Variants in NIPA2 observed in about 807,000 individuals in gnomAD.
NIPA2 encodes the protein NIPA magnesium transporter 2.
A neutral mutation model predicts 29.7 loss-of-function variants in NIPA2; 11 were observed. The observed-to-expected ratio is 0.37, with a 90% CI of 0.23 to 0.61. The LOEUF (loss-of-function observed/expected upper bound fraction) is 0.61, where lower values mean the gene tolerates loss of function less well. Among genes scored for constraint, NIPA2 ranks in the 20% least tolerant of loss-of-function variants. The pLI is 0.66. For synonymous variants in NIPA2, 183 were observed against 161.9 expected, an observed-to-expected ratio of 1.13 and a Z score of -0.99; for missense variants, 426 against 437.9, an observed-to-expected ratio of 0.97 and a Z score of 0.24.
At chr15:22,854,515 C>T (rs62008588) in intron 5 of NIPA2, among the ~76,000 whole-genome samples, 66,295 of 149,684 alleles carry the variant, frequency 0.44, 16,626 homozygotes, top group Non-Finnish European at 0.56. Flanking sequence ...GAGGCCAAGG[C>T]GGGTGGATCA....
intron 7 of NIPA2, among the ~76,000 whole-genome samples, chr15:22,864,409 C>G (rs1014138936): frequency 6.6e-6 from 1 of 152,198 alleles, no homozygotes; most frequent in African/African-American, 2.4e-5. Flanking sequence ...CCACCTCGGC[C>G]GCCCAAAGTG....
chr15:22,852,561 A>G (rs1425274056), intron 4 of NIPA2, among the ~76,000 whole-genome samples: 1 of 113,976 alleles, frequency 8.8e-6, no homozygotes, highest in Non-Finnish European at 2.0e-5. Context: ...GAACTTCGAC[A>G]TTTTGGCAGG....
rs1212982440 is a variant in NIPA2 at position 22,867,248 on chromosome 15, G to GAGTT, written c.*403_*406dup. The GAGTT allele has an allele frequency of 2.5e-6, 1 of 403,708 alleles. No homozygotes were observed. The highest frequency in any genetic ancestry group is 4.4e-6 in the Non-Finnish European group (1 of 229,572). The allele number at this position is 403,708 out of a possible 1,614,324, so 25.0% of individuals were successfully genotyped here. A position where few individuals can be genotyped will look rare whatever the true frequency, so the allele number is the denominator to read the frequency against. On this transcript the variant is annotated 3_prime_UTR_variant, in exon 8 of 8. Coordinates refer to ENST00000337451, the MANE Select transcript of NIPA2 (RefSeq NM_030922.7). ...AAGGCTTTTTTATTTTAAAAAAACA[G>GAGTT]AGTTATCCCAATACATTATCCTGTG... is the stretch of plus-strand genomic sequence containing the variant.
intron 5 of NIPA2, among the ~76,000 whole-genome samples, chr15:22,857,666 GTC>G (rs1335672478): frequency 1.3e-5 from 2 of 151,304 alleles, no homozygotes; most frequent in African/African-American, 4.9e-5. Context: ...GTGAAACCCC[GTC>G]TCTACTAAAA....
intron 5 of NIPA2, among the ~76,000 whole-genome samples, chr15:22,855,618 T>G (rs890158068): frequency 4.6e-5 from 7 of 152,088 alleles, no homozygotes; most frequent in Admixed American, 1.3e-4. Context: ...GTTATGTGTT[T>G]ATGTGCCTGT....
chr15:22,866,421 G>T lies in NIPA2; in HGVS notation c.657G>T (p.Trp219Cys). ...GKPVLRHPLA[W>C]ILLLSLIVCV... ...CTGTGCTGCGGCATCCCCTGGCTTGGATTCTGCTGCTGAGCCTCATCGTCT... is the reference window on the plus strand; with the variant it reads ...CTGTGCTGCGGCATCCCCTGGCTTGTATTCTGCTGCTGAGCCTCATCGTCT... Residue 219 changes from tryptophan to cysteine, a missense_variant, in exon 8 of 8, where the codon TGG (tryptophan) becomes TGT (cysteine). Coordinates refer to ENST00000337451, the MANE Select transcript of NIPA2 (RefSeq NM_030922.7). 6.2e-7 allele frequency: 1 copy of T among 1,614,134 alleles called. No individual in the cohort carries two copies. Among genetic ancestry groups the T allele is most frequent in the South Asian group, 1.1e-5 (1 of 91,080 alleles).
intron 7 of NIPA2, among the ~76,000 whole-genome samples, chr15:22,865,204 C>G (rs1025529606): frequency 2.0e-5 from 3 of 148,306 alleles, no homozygotes; most frequent in Non-Finnish European, 3.0e-5. Context: ...TAATCTATTA[C>G]TGCTGGGTGC....
intron 7 of NIPA2, 135 bp downstream of exon 7, chr15:22,860,924 G>T (rs559066469): frequency 1.6e-6 from 1 of 613,068 alleles, no homozygotes. Flanking sequence ...CATGTTCCCT[G>T]CTCCCTCCTA....
Position 22,866,943 on chromosome 15 carries a change from C to T in NIPA2, c.*96C>T. ...AAAAACATTGTCCTCAAATAATGTT[C>T]TTTAAAGGCAATCTTTTTAAAGATT... On this transcript the variant is annotated 3_prime_UTR_variant, in exon 8 of 8. Transcript: ENST00000337451. 1 of 1,167,954 alleles carries T rather than the reference C, an allele frequency of 8.6e-7. No individual in the cohort carries two copies. The highest frequency in any genetic ancestry group is 1.2e-6 in the Non-Finnish European group (1 of 838,518). 72.3% of individuals were successfully genotyped at this position (1,167,954 alleles called of 1,614,324 possible). A position where few individuals can be genotyped will look rare whatever the true frequency, so the allele number is the denominator to read the frequency against.
chr15:22,854,141 T>C (rs1249255971), intron 5 of NIPA2, among the ~76,000 whole-genome samples: 1 of 149,448 alleles, frequency 6.7e-6, no homozygotes, highest in Admixed American at 6.7e-5. Flanking sequence ...TATTTATTTA[T>C]TTTTTGAGAC....
chr15:22,841,977 C>T (rs1444884939), intron 2 of NIPA2, among the ~76,000 whole-genome samples: 1 of 152,178 alleles, frequency 6.6e-6, no homozygotes, highest in African/African-American at 2.4e-5. Flanking sequence ...TCAAGTGTTA[C>T]TGCTCAGCAA....
At chr15:22,857,849 A>T (rs1411896047) in intron 5 of NIPA2, among the ~76,000 whole-genome samples, 2 of 151,022 alleles carry the variant, frequency 1.3e-5, no homozygotes, top group Non-Finnish European at 2.9e-5. Flanking sequence ...AAAAAAAAAA[A>T]AAAAAAAAAG....
At chr15:22,859,355 C>T (rs1285569498) in intron 6 of NIPA2, among the ~76,000 whole-genome samples, 5 of 144,502 alleles carry the variant, frequency 3.5e-5, no homozygotes, top group African/African-American at 1.3e-4. Context: ...TGCAGTGGCA[C>T]GATCTCGGCT....
In NIPA2 at chr15:22,866,405, G is replaced by A. The variant is rs779693560; in HGVS notation, c.641G>A (p.Arg214Gln). 8.7e-6 allele frequency: 14 copies of A among 1,613,914 alleles called. 1 individual carries two copies. In the East Asian group the frequency reaches 1.1e-4, roughly 13 times the overall value. The change falls in exon 8 of 8, where the codon CGG (arginine) becomes CAG (glutamine). Residue 214 changes from arginine (R) to glutamine (Q), a missense_variant. Around this residue, in one of 3 missense-constraint regions of NIPA2, gnomAD observed 357 missense variants for 339.8 expected, o/e 1.05. Coordinates refer to ENST00000337451, the MANE Select transcript of NIPA2 (RefSeq NM_030922.7). ...KELFAGKPVL[R>Q]HPLAWILLLS... ...CTGTTTGCAGGGAAGCCTGTGCTGC[G>A]GCATCCCCTGGCTTGGATTCTGCTG... is the stretch of plus-strand genomic sequence containing the variant.
At chr15:22,858,124 T>G (rs1459962363) in intron 5 of NIPA2, among the ~76,000 whole-genome samples, 1 of 152,186 alleles carries the variant, frequency 6.6e-6, no homozygotes, top group Non-Finnish European at 1.5e-5. Context: ...CTGGGCGCAG[T>G]GGCTCACGCC....
In NIPA2 at chr15:22,866,468, A is replaced by G. The variant is rs766695720; in HGVS notation, c.704A>G (p.Tyr235Cys). 1 of 1,614,074 alleles carries G rather than the reference A, an allele frequency of 6.2e-7. No homozygotes were observed. Among genetic ancestry groups the G allele is most frequent in the Non-Finnish European group, 8.5e-7 (1 of 1,179,980 alleles). ...LIVCVSTQIN[Y>C]LNRALDIFNT... ...GTCTGTGTGAGCACACAGATTAATT[A>G]CCTAAATAGGGCCCTGGATATATTC... Residue 235 changes from tyrosine to cysteine, a missense_variant, in exon 8 of 8, where the codon TAC (tyrosine) becomes TGC (cysteine). This residue lies in a region of NIPA2 where 357 missense variants were observed against 339.8 expected (regional missense o/e 1.05). Transcript: ENST00000337451.
Position 22,838,717 on chromosome 15 carries a change from G to T in NIPA2, c.-556G>T, listed in dbSNP as rs568792326. 6.5e-6 allele frequency: 1 copy of T among 152,690 alleles called. No individual in the cohort carries two copies. The highest frequency in any genetic ancestry group is 2.4e-5 in the African/African-American group (1 of 41,598). The allele number at this position is 152,690 out of a possible 1,614,324, so 9.5% of individuals were successfully genotyped here. A position where few individuals can be genotyped will look rare whatever the true frequency, so the allele number is the denominator to read the frequency against. ...GGTGGTGACGGCGGTGCCGGAGGTTGTCCTTGGCAGGTTTTCCTCGGCGCT... is the reference window on the plus strand; with the variant it reads ...GGTGGTGACGGCGGTGCCGGAGGTTTTCCTTGGCAGGTTTTCCTCGGCGCT... On this transcript the variant is annotated 5_prime_UTR_variant, in exon 1 of 8. Transcript: ENST00000337451.
chr15:22,856,850 A>G (rs1333317246), intron 5 of NIPA2, among the ~76,000 whole-genome samples: 1 of 152,222 alleles, frequency 6.6e-6, no homozygotes, highest in Non-Finnish European at 1.5e-5. Context: ...GAAAATTGGC[A>G]TAACTTTTGG....
chr15:22,852,221 C>T (rs984805481), intron 4 of NIPA2, among the ~76,000 whole-genome samples: 12 of 152,114 alleles, frequency 7.9e-5, no homozygotes, highest in Non-Finnish European at 1.6e-4. Flanking sequence ...AATCCCAGCA[C>T]TTTGGGAGGC....
Sources: gnomAD v4.1 joint callset for allele counts (sites outside exome capture counted in the v4.1 genomes callset) on GRCh38, gnomAD v4.1.1 for gene constraint, gnomAD v4.1.1 regional missense constraint, MANE v1.5 for transcripts, NCBI Gene and HGNC (gene_info 2026-07-23, HGNC 2026-07-21) for gene names.